THEM4: variants seen among roughly 807,000 people sequenced by gnomAD.
THEM4 encodes acyl-coenzyme A thioesterase THEM4.
A neutral mutation model predicts 25.0 loss-of-function variants in THEM4; 22 were observed. That is an observed-to-expected ratio of 0.88 (90% CI 0.63 to 1.26). The LOEUF (loss-of-function observed/expected upper bound fraction) is 1.26, where lower values mean the gene tolerates loss of function less well. Among genes scored for constraint, THEM4 ranks in the 50% most tolerant of loss-of-function variants. The pLI is 0.00. For synonymous variants in THEM4, 113 were observed against 105.6 expected (o/e 1.07, Z -0.43); for missense variants, 286 against 300.3 (o/e 0.95, Z 0.35).
chr1:151,876,201 T>C (rs1396953471), intron 5 of THEM4, among the ~76,000 whole-genome samples: 1 of 152,162 alleles, frequency 6.6e-6, no homozygotes, highest in Non-Finnish European at 1.5e-5. Flanking sequence ...ATCACAATAT[T>C]TCACCATTTT....
chr1:151,896,846 AAG>A (rs1654237167), intron 1 of THEM4, among the ~76,000 whole-genome samples: 1 of 152,196 alleles, frequency 6.6e-6, no homozygotes, highest in South Asian at 2.1e-4. Flanking sequence ...GTAAGGGAAA[AAG>A]AGAAATACAA....
intron 3 of THEM4, among the ~76,000 whole-genome samples, chr1:151,889,001 A>G (rs1352654): frequency 0.88 from 134,269 of 152,088 alleles, 59,467 homozygotes; most frequent in East Asian, 0.92. Context: ...ATGCCCTATA[A>G]TATTATAATG....
rs79399324 is a variant in THEM4 at position 151,908,479 on chromosome 1, C to T, written c.99+881G>A. On this transcript the variant is annotated intron_variant, in intron 1 of 5. Transcript: ENST00000368814. The stretch of plus-strand genomic sequence containing the variant: ...TGCCCTTTCGCTATTTGTCGATTCC[C>T]CTGCCCTCCACCAACCACCTTGGAT... Among the ~76,000 whole-genome samples the T allele has an allele frequency of 7.0e-4, 107 of 152,254 alleles. 1 individual carries two copies. Among genetic ancestry groups the T allele is most frequent in the African/African-American group, 2.5e-3 (105 of 41,546 alleles).
intron 5 of THEM4, 102 bp downstream of exon 5, chr1:151,876,899 C>G: frequency 7.0e-7 from 1 of 1,428,886 alleles, no homozygotes; most frequent in Non-Finnish European, 9.4e-7. Context: ...CAAAACACCC[C>G]CCTGACCCCC....
intron 1 of THEM4, among the ~76,000 whole-genome samples, chr1:151,904,383 A>G (rs890766416): frequency 8.5e-5 from 13 of 152,368 alleles, no homozygotes; most frequent in Non-Finnish European, 1.3e-4. Flanking sequence ...TTCATATATT[A>G]TAAAAGGACA....
chr1:151,882,372 C>CA (rs35928322), intron 4 of THEM4, among the ~76,000 whole-genome samples: 2,308 of 104,810 alleles, frequency 0.022, 80 homozygotes, highest in African/African-American at 0.075. Flanking sequence ...GACTCCATCT[C>CA]AAAAAAAAAA....
At position 151,909,414 on chromosome 1, in the gene THEM4, C is replaced by G. The variant is rs763143185; in HGVS notation, c.45G>C (p.Leu15=). The G allele has an allele frequency of 4.0e-6, 6 of 1,489,864 alleles. No individual in the cohort carries two copies. The East Asian group carries it at 1.7e-4, about 42-fold the overall frequency. The allele number at this position is 1,489,864 out of a possible 1,614,324, so 92.3% of individuals were successfully genotyped here. Residue 15 remains leucine, a synonymous_variant, in exon 1 of 6, where the codon CTG becomes CTC. Coordinates refer to ENST00000368814, the MANE Select transcript of THEM4 (RefSeq NM_053055.5). ...CAARLRTLGA[L]CLPPVGRRLP... ...GGCGCCGGCCTACTGGCGGCAGGCA[C>G]AGAGCCCCCAGCGTGCGGAGGCGCG... is the stretch of plus-strand genomic sequence containing the variant.
Position 151,888,336 on chromosome 1 carries a change from C to T in THEM4, c.494G>A (p.Gly165Asp). The T allele has an allele frequency of 6.2e-7, 1 of 1,613,616 alleles. No individual in the cohort carries two copies. The highest frequency in any genetic ancestry group is 1.1e-5 in the South Asian group (1 of 90,992). ...TCCCCCAGCCATCATTGCACACATA[C>T]CAACAGTAGCATCAATCATGGTTGC... ...AIATMIDATV[G>D]MCAMMAGGIV... Residue 165 changes from glycine (G) to aspartate (D), a missense_variant, in exon 4 of 6, where the codon GGT (glycine) becomes GAT (aspartate). Transcript: ENST00000368814.
chr1:151,895,247 A>G (rs773378143), intron 1 of THEM4, 53 bp from the exon 2 acceptor site: 231 of 1,408,016 alleles, frequency 1.6e-4, no homozygotes, highest in Non-Finnish European at 2.1e-4. Flanking sequence ...ATTCTATTTC[A>G]TAACATATTC....
chr1:151,899,433 G>A (rs1654301563), intron 1 of THEM4, among the ~76,000 whole-genome samples: 2 of 150,066 alleles, frequency 1.3e-5, no homozygotes. Context: ...GGAGGTTGCA[G>A]TGAGCCAAGA....
At chr1:151,900,335 A>G (rs1487025050) in intron 1 of THEM4, among the ~76,000 whole-genome samples, 2 of 152,234 alleles carry the variant, frequency 1.3e-5, no homozygotes, top group Non-Finnish European at 2.9e-5. Context: ...TCACATTTCA[A>G]TAATAACATT....
chr1:151,902,195 T>C (rs1654367620), intron 1 of THEM4, among the ~76,000 whole-genome samples: 1 of 152,204 alleles, frequency 6.6e-6, no homozygotes, highest in African/African-American at 2.4e-5. Flanking sequence ...TGTAAACTAG[T>C]ATAGCTGCTA....
chr1:151,885,894 A>G (rs1653957290), intron 4 of THEM4, among the ~76,000 whole-genome samples: 1 of 152,244 alleles, frequency 6.6e-6, no homozygotes, highest in Non-Finnish European at 1.5e-5. Flanking sequence ...GACACTGCAA[A>G]TTATTTTCAA....
chr1:151,886,867 T>C (rs1257263723), intron 4 of THEM4, among the ~76,000 whole-genome samples: 1 of 152,224 alleles, frequency 6.6e-6, no homozygotes, highest in Admixed American at 6.5e-5. Flanking sequence ...TGCCCACTTT[T>C]GCCACTTCTA....
At chr1:151,893,050 C>G (rs900668641) in intron 2 of THEM4, among the ~76,000 whole-genome samples, 4 of 152,136 alleles carry the variant, frequency 2.6e-5, no homozygotes, top group African/African-American at 9.7e-5. Context: ...TCACTGGTAC[C>G]TTTGGCAAGA....
intron 1 of THEM4, among the ~76,000 whole-genome samples, chr1:151,898,994 C>G (rs1654284674): frequency 6.6e-6 from 1 of 152,222 alleles, no homozygotes; most frequent in Non-Finnish European, 1.5e-5. Context: ...GAGAAGGAAC[C>G]AGAAAACCTA....
chr1:151,909,506 T>G lies in THEM4; in HGVS notation c.-48A>C. The G allele has an allele frequency of 7.6e-7, 1 of 1,318,336 alleles. No individual in the cohort carries two copies. The highest frequency in any genetic ancestry group is 9.7e-7 in the Non-Finnish European group (1 of 1,030,904). The allele number at this position is 1,318,336 out of a possible 1,614,324, so 81.7% of individuals were successfully genotyped here. ...CTTGCTCTAGCCCTGGACGGCGCAC[T>G]CTACCTCCGCCACAAGAGCGCGCGT... is the stretch of plus-strand genomic sequence containing the variant. On this transcript the variant is annotated 5_prime_UTR_variant, in exon 1 of 6. Coordinates refer to ENST00000368814, the MANE Select transcript of THEM4 (RefSeq NM_053055.5).
At chr1:151,899,005 C>A (rs903608174) in intron 1 of THEM4, among the ~76,000 whole-genome samples, 1 of 152,202 alleles carries the variant, frequency 6.6e-6, no homozygotes, top group African/African-American at 2.4e-5. Context: ...AGAAAACCTA[C>A]CCAGGTAATA....
intron 5 of THEM4, 34 bp from the exon 6 acceptor site, chr1:151,874,962 G>A (rs548305155): frequency 3.4e-5 from 52 of 1,538,638 alleles, no homozygotes; most frequent in Non-Finnish European, 4.5e-5. Context: ...ATGATTATAT[G>A]TCAACTGACT....
Sources: allele counts gnomAD v4.1 joint callset (sites outside exome capture counted in the v4.1 genomes callset), GRCh38; gene constraint gnomAD v4.1.1; transcripts MANE v1.5; gene names NCBI Gene and HGNC (gene_info 2026-07-23, HGNC 2026-07-21).